Variants in WWOX observed in about 807,000 individuals in gnomAD.
The protein encoded by WWOX is WW domain containing oxidoreductase.
Under a neutral mutation model 46.2 loss-of-function variants are expected in WWOX, and 69 were observed. The observed-to-expected ratio is 1.49, with a 90% CI of 1.23 to 1.82. The LOEUF (loss-of-function observed/expected upper bound fraction) is 1.82. WWOX is among the 40% of genes most tolerant of loss of function. The probability of loss-of-function intolerance (pLI) is 0.00; values close to 1 mark genes in which losing one functional copy is unlikely to be tolerated. For synonymous variants in WWOX, 359 were observed against 202.6 expected (o/e 1.77, Z -6.56); for missense variants, 919 against 542.6 (o/e 1.69, Z -6.89).
At chr16:79,142,722 A>G (rs2050113421) in intron 8 of WWOX, among the ~76,000 whole-genome samples, 1 of 152,158 alleles carries the variant, frequency 6.6e-6, no homozygotes, top group Non-Finnish European at 1.5e-5. Flanking sequence ...TTTTTGAGAT[A>G]GGGTCTCATT....
intron 8 of WWOX, among the ~76,000 whole-genome samples, chr16:79,097,706 G>C (rs570611143): frequency 6.6e-6 from 1 of 152,228 alleles, no homozygotes; most frequent in Non-Finnish European, 1.5e-5. Context: ...AAAGATCTTT[G>C]GAGGATAAAG....
chr16:78,472,113 G>A (rs937863286), intron 8 of WWOX, among the ~76,000 whole-genome samples: 5 of 152,180 alleles, frequency 3.3e-5, no homozygotes, highest in African/African-American at 7.2e-5. Flanking sequence ...GTTGAGGAAA[G>A]CTCAAGGTTA....
At chr16:78,618,053 C>T (rs2046071662) in intron 8 of WWOX, among the ~76,000 whole-genome samples, 1 of 152,132 alleles carries the variant, frequency 6.6e-6, no homozygotes, top group Non-Finnish European at 1.5e-5. Flanking sequence ...TTCATGTGTT[C>T]TTGAATTAAA....
chr16:78,610,722 A>AGG (rs2045880984), intron 8 of WWOX, among the ~76,000 whole-genome samples: 1 of 152,124 alleles, frequency 6.6e-6, no homozygotes. Context: ...AATCTAACTT[A>AGG]GGGATGTATC....
chr16:79,070,550 C>T (rs980166782), intron 8 of WWOX, among the ~76,000 whole-genome samples: 4 of 152,132 alleles, frequency 2.6e-5, no homozygotes, highest in African/African-American at 7.2e-5. Context: ...GAGCAAAGCT[C>T]CTTGGCAATG....
Position 78,184,240 on chromosome 16 carries a change from G to A in WWOX, c.516+19951G>A, listed in dbSNP as rs374950249. Among the ~76,000 whole-genome samples the A allele has an allele frequency of 5.3e-5, 8 of 152,240 alleles. No homozygotes were observed. In the East Asian group the frequency reaches 5.8e-4, roughly 11 times the overall value. On this transcript the variant is annotated intron_variant, in intron 5 of 8. Coordinates refer to ENST00000566780, the MANE Select transcript of WWOX (RefSeq NM_016373.4). Reference sequence around the variant, plus strand: ...TTCAGTGGCACTTCAGCCAGAGGTAGGATAGGGATTTTGAAGTGTTTGGAG... The same window carrying A: ...TTCAGTGGCACTTCAGCCAGAGGTAAGATAGGGATTTTGAAGTGTTTGGAG...
At chr16:78,514,270 A>G (rs550876487) in intron 8 of WWOX, among the ~76,000 whole-genome samples, 17 of 152,316 alleles carry the variant, frequency 1.1e-4, no homozygotes, top group African/African-American at 4.1e-4. Flanking sequence ...CTCCTTTAGT[A>G]ATTAGATAAT....
intron 5 of WWOX, among the ~76,000 whole-genome samples, chr16:78,208,559 C>T (rs2036465388): frequency 1.3e-5 from 2 of 152,118 alleles, no homozygotes; most frequent in Admixed American, 6.5e-5. Context: ...TAATATGTTG[C>T]AGTTGCAAAC....
At chr16:78,330,606 G>T (rs1184104252) in intron 5 of WWOX, among the ~76,000 whole-genome samples, 1 of 152,084 alleles carries the variant, frequency 6.6e-6, no homozygotes, top group East Asian at 1.9e-4. Flanking sequence ...CGTGTTGGCC[G>T]GGATGCTCTC....
At chr16:78,582,168 T>G (rs183907212) in intron 8 of WWOX, among the ~76,000 whole-genome samples, 126 of 152,260 alleles carry the variant, frequency 8.3e-4, no homozygotes, top group African/African-American at 3.0e-3. Flanking sequence ...TCAGCACAAG[T>G]GAATTATTGA....
chr16:78,597,900 C>T (rs911587003), intron 8 of WWOX, among the ~76,000 whole-genome samples: 1 of 151,782 alleles, frequency 6.6e-6, no homozygotes, highest in South Asian at 2.1e-4. Flanking sequence ...CATATCAGAG[C>T]CTTTTCAGAC....
chr16:78,800,350 T>C (rs996205028), intron 8 of WWOX, among the ~76,000 whole-genome samples: 1 of 152,106 alleles, frequency 6.6e-6, no homozygotes, highest in Non-Finnish European at 1.5e-5. Flanking sequence ...AAGACAAATA[T>C]GTTGCTTTAA....
At chr16:79,120,756 C>G (rs902357252) in intron 8 of WWOX, among the ~76,000 whole-genome samples, 2 of 152,044 alleles carry the variant, frequency 1.3e-5, no homozygotes, top group African/African-American at 2.4e-5. Flanking sequence ...AAATTTCCCT[C>G]TGCGTTTATT....
Position 78,916,745 on chromosome 16 carries a change from T to G in WWOX, c.1057-294863T>G, listed in dbSNP as rs538043870. Among the ~76,000 whole-genome samples the G allele has an allele frequency of 1.7e-3, 258 of 152,376 alleles. 1 individual carries two copies. Among genetic ancestry groups the G allele is most frequent in the African/African-American group, 5.8e-3 (241 of 41,592 alleles). ...TAGGATAAACTCTAAACTAAGTGTC[T>G]GATAAATTCTGGGAAAGTTTATCCA... On this transcript the variant is annotated intron_variant, in intron 8 of 8. Transcript: ENST00000566780.
At chr16:78,809,489 T>C (rs2051133080) in intron 8 of WWOX, among the ~76,000 whole-genome samples, 1 of 152,212 alleles carries the variant, frequency 6.6e-6, no homozygotes, top group Non-Finnish European at 1.5e-5. Context: ...CCCATCCCTC[T>C]ACCCTGAGGA....
chr16:78,419,246 A>G (rs150165103), intron 6 of WWOX, among the ~76,000 whole-genome samples: 218 of 152,310 alleles, frequency 1.4e-3, no homozygotes, highest in African/African-American at 4.8e-3. Flanking sequence ...TGCAATCTCT[A>G]TTAAAATTTC....
rs755283615 is a variant in WWOX at position 78,945,420 on chromosome 16, G to A, written c.1057-266188G>A. On this transcript the variant is annotated intron_variant, in intron 8 of 8. Transcript: ENST00000566780. Reference sequence around the variant, plus strand: ...TAGTTTTAATGCATCTAAAGTCTCTGTATCAAAAAGATCAAAATCAGGTTT... The same window carrying A: ...TAGTTTTAATGCATCTAAAGTCTCTATATCAAAAAGATCAAAATCAGGTTT... 9.9e-5 allele frequency among the ~76,000 whole-genome samples: 15 copies of A among 152,100 alleles called. 1 individual carries two copies. Among genetic ancestry groups the A allele is most frequent in the Admixed American group, 3.9e-4 (6 of 15,272 alleles).
intron 8 of WWOX, among the ~76,000 whole-genome samples, chr16:78,879,887 A>AAAAG (rs768209702): frequency 0.017 from 2,547 of 151,746 alleles, 32 homozygotes; most frequent in Non-Finnish European, 0.027. Flanking sequence ...CAAAAAAAAA[A>AAAAG]AAGAAGAAGA....
intron 8 of WWOX, among the ~76,000 whole-genome samples, chr16:78,642,740 G>A (rs747727080): frequency 4.6e-5 from 7 of 152,122 alleles, no homozygotes; most frequent in African/African-American, 7.2e-5. Flanking sequence ...GTGTGTGGGT[G>A]CACATCAGGA....
Sources: gnomAD v4.1 joint callset for allele counts (sites outside exome capture counted in the v4.1 genomes callset) on GRCh38, gnomAD v4.1.1 for gene constraint, MANE v1.5 for transcripts, NCBI Gene and HGNC (gene_info 2026-07-23, HGNC 2026-07-21) for gene names.